ZBTB8OS: variants seen among roughly 807,000 people sequenced by gnomAD.
The protein encoded by ZBTB8OS is tRNA splicing ligase complex subunit 1.
A neutral mutation model predicts 29.3 loss-of-function variants in ZBTB8OS; 16 were observed. The observed-to-expected ratio is 0.55, with a 90% CI of 0.37 to 0.83. The LOEUF (loss-of-function observed/expected upper bound fraction) is 0.83, where lower values mean the gene tolerates loss of function less well. Ranked by LOEUF, ZBTB8OS falls within the 40% of genes least tolerant of loss-of-function variation. The pLI is 0.00. For synonymous variants in ZBTB8OS, 70 were observed against 64.6 expected, an observed-to-expected ratio of 1.08 and a Z score of -0.40; for missense variants, 160 against 196.9, an observed-to-expected ratio of 0.81 and a Z score of 1.12.
chr1:32,648,825 A>C (rs1056750006), intron 1 of ZBTB8OS, among the ~76,000 whole-genome samples: 4 of 151,320 alleles, frequency 2.6e-5, no homozygotes, highest in Non-Finnish European at 5.9e-5. Flanking sequence ...TGCCTAGCTA[A>C]TTTTTGTATT....
At chr1:32,628,755 G>A (rs1280363306) in intron 5 of ZBTB8OS, among the ~76,000 whole-genome samples, 11 of 152,056 alleles carry the variant, frequency 7.2e-5, no homozygotes, top group African/African-American at 1.2e-4. Flanking sequence ...GGCCAACATG[G>A]TGAGAACTCG....
intron 1 of ZBTB8OS, among the ~76,000 whole-genome samples, chr1:32,637,905 C>T (rs1212837119): frequency 6.6e-6 from 1 of 152,124 alleles, no homozygotes; most frequent in Non-Finnish European, 1.5e-5. Context: ...GTGATCTTGG[C>T]TCACTGCAAC....
At chr1:32,648,955 C>G (rs1647062580) in intron 1 of ZBTB8OS, among the ~76,000 whole-genome samples, 1 of 139,430 alleles carries the variant, frequency 7.2e-6, no homozygotes. Context: ...TGAGCCACAG[C>G]ACCAGGCCTT....
chr1:32,631,788 T>A, intron 5 of ZBTB8OS, 39 bp downstream of exon 5: 1 of 1,440,220 alleles, frequency 6.9e-7, no homozygotes, highest in Non-Finnish European at 9.6e-7. Flanking sequence ...ATGAAGAATA[T>A]AACTTTAACT....
chr1:32,621,640 G>A lies in ZBTB8OS; in HGVS notation c.*222C>T, dbSNP rs543861442. 5.1e-5 allele frequency: 26 copies of A among 505,452 alleles called. No homozygotes were observed. The South Asian group carries it at 6.1e-4, about 12-fold the overall frequency. 31.3% of individuals were successfully genotyped at this position (505,452 alleles called of 1,614,324 possible). Reference sequence around the variant, plus strand: ...AATCAAAGGACCATAACTGTCCCTTGGGGGGTTGAAGAATTCTTTAAAGTG... The same window carrying A: ...AATCAAAGGACCATAACTGTCCCTTAGGGGGTTGAAGAATTCTTTAAAGTG... On this transcript the variant is annotated 3_prime_UTR_variant, in exon 7 of 7. Transcript: ENST00000468695.
At position 32,634,203 on chromosome 1, in the gene ZBTB8OS, G is replaced by A. The variant is rs188234873; in HGVS notation, c.123-131C>T. 1.9e-4 allele frequency: 118 copies of A among 635,158 alleles called. No individual in the cohort carries two copies. The African/African-American group carries it at 2.0e-3, about 11-fold the overall frequency. 39.3% of individuals were successfully genotyped at this position (635,158 alleles called of 1,614,324 possible). A position where few individuals can be genotyped will look rare whatever the true frequency, so the allele number is the denominator to read the frequency against. ...AGGCCTCAATCAATTTAACAGCACT[G>A]CAACCAGGTGCTTTTCTTTTTATTA... On this transcript the variant is annotated intron_variant, in intron 2 of 6. Coordinates refer to ENST00000468695, the MANE Select transcript of ZBTB8OS (RefSeq NM_178547.5).
At position 32,621,793 on chromosome 1, in the gene ZBTB8OS, T is replaced by C. The variant is rs929300013; in HGVS notation, c.*69A>G. On this transcript the variant is annotated 3_prime_UTR_variant, in exon 7 of 7. Transcript: ENST00000468695. ...AAAAAAAGCTGTAGAATTTAATTCA[T>C]AGTGTCTTCTCAAAAGGAAGAGGAA... The C allele has an allele frequency of 1.3e-5, 13 of 1,039,336 alleles. No homozygotes were observed. The South Asian group carries it at 1.8e-4, about 15-fold the overall frequency. The allele number at this position is 1,039,336 out of a possible 1,614,324, so 64.4% of individuals were successfully genotyped here.
intron 1 of ZBTB8OS, among the ~76,000 whole-genome samples, chr1:32,637,423 C>T (rs925302386): frequency 6.6e-6 from 1 of 151,664 alleles, no homozygotes; most frequent in Non-Finnish European, 1.5e-5. Flanking sequence ...AAAAAATGAG[C>T]TGGGCGTGGT....
intron 3 of ZBTB8OS, 21 bp from the exon 4 acceptor site, chr1:32,633,748 T>C (rs1408611715): frequency 6.4e-7 from 1 of 1,555,848 alleles, no homozygotes; most frequent in Non-Finnish European, 8.7e-7. Flanking sequence ...TCAAATAGTA[T>C]ATTTAATAAT....
chr1:32,624,415 G>C (rs552356235), intron 6 of ZBTB8OS, among the ~76,000 whole-genome samples: 1 of 152,262 alleles, frequency 6.6e-6, no homozygotes, highest in South Asian at 2.1e-4. Context: ...AAAAAAGTCT[G>C]AAACACTGGA....
intron 1 of ZBTB8OS, among the ~76,000 whole-genome samples, chr1:32,644,534 C>CTTTT (rs57960226): frequency 4.9e-4 from 62 of 127,032 alleles, no homozygotes; most frequent in African/African-American, 1.6e-3. Context: ...TTTCTTTTTC[C>CTTTT]TTTTTTTTTT....
chr1:32,638,962 T>C (rs1346000951), intron 1 of ZBTB8OS, among the ~76,000 whole-genome samples: 1 of 151,858 alleles, frequency 6.6e-6, no homozygotes, highest in Non-Finnish European at 1.5e-5. Context: ...GAACATAAAT[T>C]GAGTATTTTT....
chr1:32,628,568 G>A (rs371098415), intron 5 of ZBTB8OS, among the ~76,000 whole-genome samples: 12 of 151,802 alleles, frequency 7.9e-5, no homozygotes, highest in African/African-American at 1.7e-4. Flanking sequence ...GCCAGGAGGC[G>A]GAGATTGCAG....
intron 4 of ZBTB8OS, 24 bp downstream of exon 4, chr1:32,633,621 T>C (rs1296221084): frequency 3.2e-6 from 5 of 1,549,040 alleles, no homozygotes; most frequent in Non-Finnish European, 3.5e-6. Flanking sequence ...ATTTGCTCAG[T>C]AAAAAAGAAA....
intron 1 of ZBTB8OS, among the ~76,000 whole-genome samples, chr1:32,642,229 C>T (rs576588987): frequency 1.4e-4 from 22 of 152,162 alleles, no homozygotes; most frequent in African/African-American, 5.3e-4. Flanking sequence ...CAGGGCCGGG[C>T]GCGGTGGTTC....
At chr1:32,645,313 CACG>C (rs1448519374) in intron 1 of ZBTB8OS, among the ~76,000 whole-genome samples, 2 of 152,128 alleles carry the variant, frequency 1.3e-5, no homozygotes, top group African/African-American at 2.4e-5. Flanking sequence ...GCCTAGGCAA[CACG>C]ACAAGACCCC....
chr1:32,621,639 T>C lies in ZBTB8OS; in HGVS notation c.*223A>G. ...GAATCAAAGGACCATAACTGTCCCT[T>C]GGGGGGTTGAAGAATTCTTTAAAGT... On this transcript the variant is annotated 3_prime_UTR_variant, in exon 7 of 7. Transcript: ENST00000468695. 1 of 495,636 alleles carries C rather than the reference T, an allele frequency of 2.0e-6. No homozygotes were observed. Among genetic ancestry groups the C allele is most frequent in the East Asian group, 3.9e-5 (1 of 25,828 alleles). 30.7% of individuals were successfully genotyped at this position (495,636 alleles called of 1,614,324 possible). A position where few individuals can be genotyped will look rare whatever the true frequency, so the allele number is the denominator to read the frequency against.
chr1:32,634,036 A>G lies in ZBTB8OS; in HGVS notation c.159T>C (p.Phe53=), dbSNP rs704878. The G allele has an allele frequency of 0.067, 106,619 of 1,601,916 alleles. 10,094 individuals carry two copies. Among genetic ancestry groups the G allele is most frequent in the African/African-American group, 0.44 (32,518 of 73,938 alleles). Residue 53 remains phenylalanine (F), a synonymous_variant, in exon 3 of 7, where the codon TTT becomes TTC. Transcript: ENST00000468695. ...CAAACATGGCCATTGCACATTGCTC[A>G]AATGCTTCCTCCAGAGTATCTCCCC... The part of the protein sequence containing the change: ...HAWGDTLEEA[F]EQCAMAMFGY...
intron 6 of ZBTB8OS, among the ~76,000 whole-genome samples, chr1:32,625,651 T>A (rs907768952): frequency 6.6e-6 from 1 of 152,142 alleles, no homozygotes. Context: ...GTGGGGGGAT[T>A]GCTTGAGACT....
Sources: allele counts gnomAD v4.1 joint callset (sites outside exome capture counted in the v4.1 genomes callset), GRCh38; gene constraint gnomAD v4.1.1; transcripts MANE v1.5; gene names NCBI Gene and HGNC (gene_info 2026-07-23, HGNC 2026-07-21).